GRM8: variants seen among roughly 807,000 people sequenced by gnomAD.
The protein encoded by GRM8 is metabotropic glutamate receptor 8.
GRM8 carries 47 observed loss-of-function variants against 87.2 expected under a neutral mutation model. The ratio of observed to expected loss-of-function variants is 0.54; its 90% confidence interval spans 0.43 to 0.69. The LOEUF is 0.69. GRM8 is among the 30% of genes least tolerant of loss of function. GRM8 has a pLI of 0.00. For missense variants in GRM8, 1,019 were observed against 1,139.2 expected (o/e 0.89, Z 1.52); for synonymous variants, 396 against 404.5 (o/e 0.98, Z 0.25).
intron 3 of GRM8, among the ~76,000 whole-genome samples, chr7:127,069,217 C>T (rs1821437534): frequency 6.6e-6 from 1 of 152,268 alleles, no homozygotes; most frequent in Middle Eastern, 3.4e-3. Flanking sequence ...GGCTGGAGTG[C>T]CACGGCACGA....
At chr7:126,496,500 A>G (rs1175726269) in intron 9 of GRM8, among the ~76,000 whole-genome samples, 1 of 152,028 alleles carries the variant, frequency 6.6e-6, no homozygotes, top group Non-Finnish European at 1.5e-5. Context: ...AAAGGTTTCA[A>G]TAGTTCCACT....
At chr7:126,776,428 A>G (rs925854227) in intron 6 of GRM8, among the ~76,000 whole-genome samples, 1 of 152,182 alleles carries the variant, frequency 6.6e-6, no homozygotes, top group Non-Finnish European at 1.5e-5. Context: ...AATCAGGTGA[A>G]GATTTGGTTA....
At chr7:126,564,223 G>T (rs1794000732) in intron 8 of GRM8, among the ~76,000 whole-genome samples, 2 of 152,270 alleles carry the variant, frequency 1.3e-5, no homozygotes, top group South Asian at 4.1e-4. Flanking sequence ...TCAATAGCAA[G>T]GGCCAAGAGA....
At position 126,477,622 on chromosome 7, in the gene GRM8, A is replaced by AGAAAGAAAGAAAGAAC. The variant is rs1563051379; in HGVS notation, c.2431-31251_2431-31250insGTTCTTTCTTTCTTTC. On this transcript the variant is annotated intron_variant, in intron 9 of 10. Coordinates refer to ENST00000339582, the MANE Select transcript of GRM8 (RefSeq NM_000845.3). Reference sequence around the variant, plus strand: ...AAGAAAGAAAGAAAGAAAGAAAGAAAGAAAGAAAGAAAGAAAAAACGAAAG... The same window carrying AGAAAGAAAGAAAGAAC: ...AAGAAAGAAAGAAAGAAAGAAAGAAAGAAAGAAAGAAAGAACGAAAGAAAGAAAGAAAAAACGAAAG... Among the ~76,000 whole-genome samples, 42 of 144,006 alleles carry AGAAAGAAAGAAAGAAC rather than the reference A, an allele frequency of 2.9e-4. 2 individuals are homozygous for AGAAAGAAAGAAAGAAC. Among genetic ancestry groups the AGAAAGAAAGAAAGAAC allele is most frequent in the South Asian group, 1.4e-3 (6 of 4,394 alleles). 94.5% of individuals were successfully genotyped at this position (144,006 alleles called of 152,430 possible).
At chr7:126,934,135 C>G (rs1806041838) in intron 3 of GRM8, among the ~76,000 whole-genome samples, 1 of 152,102 alleles carries the variant, frequency 6.6e-6, no homozygotes, top group South Asian at 2.1e-4. Context: ...GCAAAATCCC[C>G]TGGAGTTCTC....
chr7:127,174,981 T>C (rs1794014305), intron 2 of GRM8, among the ~76,000 whole-genome samples: 1 of 152,178 alleles, frequency 6.6e-6, no homozygotes, highest in African/African-American at 2.4e-5. Context: ...TCAGCCTCTC[T>C]TTCATAAATG....
At chr7:126,456,240 AG>A (rs1803209370) in intron 9 of GRM8, among the ~76,000 whole-genome samples, 1 of 151,606 alleles carries the variant, frequency 6.6e-6, no homozygotes, top group East Asian at 2.0e-4. Flanking sequence ...GATCCTAGTA[AG>A]GAAAAAGAAA....
At chr7:126,682,239 T>C (rs1442483247) in intron 7 of GRM8, among the ~76,000 whole-genome samples, 1 of 152,256 alleles carries the variant, frequency 6.6e-6, no homozygotes, top group East Asian at 1.9e-4. Flanking sequence ...CTGTACTAAA[T>C]ATCTGACACA....
chr7:127,203,910 G>A (rs1260090745), intron 2 of GRM8, among the ~76,000 whole-genome samples: 1 of 152,010 alleles, frequency 6.6e-6, no homozygotes, highest in African/African-American at 2.4e-5. Flanking sequence ...ATAAATGCCT[G>A]CATTGTAGAA....
At chr7:126,704,002 G>C (rs1321376496) in intron 7 of GRM8, among the ~76,000 whole-genome samples, 1 of 152,088 alleles carries the variant, frequency 6.6e-6, no homozygotes, top group Non-Finnish European at 1.5e-5. Flanking sequence ...GACGACTTCT[G>C]TCTACCTATA....
chr7:127,148,416 C>CAAA (rs149407214), intron 2 of GRM8, among the ~76,000 whole-genome samples: 7 of 139,610 alleles, frequency 5.0e-5, no homozygotes, highest in African/African-American at 1.6e-4. Flanking sequence ...ATAGATGAAG[C>CAAA]AAAAAAAAAA....
chr7:127,237,297 T>C (rs1262491297), intron 2 of GRM8, among the ~76,000 whole-genome samples: 5 of 152,190 alleles, frequency 3.3e-5, no homozygotes, highest in Non-Finnish European at 7.3e-5. Flanking sequence ...TCAAATGAGA[T>C]TGAACATGAA....
chr7:126,553,253 A>T (rs182261285), intron 8 of GRM8, among the ~76,000 whole-genome samples: 73 of 152,286 alleles, frequency 4.8e-4, no homozygotes, highest in African/African-American at 1.4e-3. Context: ...AATTATTTTT[A>T]AAAAATCCCA....
intron 2 of GRM8, among the ~76,000 whole-genome samples, chr7:127,186,421 G>A (rs931956190): frequency 6.6e-6 from 1 of 152,146 alleles, no homozygotes; most frequent in Non-Finnish European, 1.5e-5. Context: ...GGCGTCCCAG[G>A]AAGGCCAAGT....
At chr7:126,915,771 A>T (rs1169414400) in intron 3 of GRM8, among the ~76,000 whole-genome samples, 3 of 152,084 alleles carry the variant, frequency 2.0e-5, no homozygotes, top group Admixed American at 2.0e-4. Context: ...GAAAGAGGAG[A>T]GCTGAGAGAG....
intron 3 of GRM8, among the ~76,000 whole-genome samples, chr7:127,042,129 G>C (rs1243187714): frequency 6.6e-6 from 1 of 152,146 alleles, no homozygotes; most frequent in African/African-American, 2.4e-5. Context: ...CCCCCAGCTA[G>C]GACCACCTGG....
intron 3 of GRM8, among the ~76,000 whole-genome samples, chr7:127,058,609 A>G (rs1243572624): frequency 6.6e-6 from 1 of 152,142 alleles, no homozygotes; most frequent in Non-Finnish European, 1.5e-5. Flanking sequence ...TTCCTTCACC[A>G]CAACATTCCT....
At chr7:127,056,647 A>C (rs10487464) in intron 3 of GRM8, among the ~76,000 whole-genome samples, 12,133 of 152,228 alleles carry the variant, frequency 0.08, 520 homozygotes, top group South Asian at 0.13. Flanking sequence ...TATTAATGAA[A>C]AACAATATCC....
intron 9 of GRM8, among the ~76,000 whole-genome samples, chr7:126,485,917 T>A (rs1371031650): frequency 6.6e-6 from 1 of 152,006 alleles, no homozygotes; most frequent in Non-Finnish European, 1.5e-5. Flanking sequence ...ACTCTTTTCA[T>A]GGCAATAAGA....
Sources: allele counts gnomAD v4.1 joint callset (sites outside exome capture counted in the v4.1 genomes callset), GRCh38; gene constraint gnomAD v4.1.1; transcripts MANE v1.5; gene names NCBI Gene and HGNC (gene_info 2026-07-23, HGNC 2026-07-21).